The following HS6ST3 variants were observed in gnomAD, a reference collection of about 807,000 sequenced individuals.
HS6ST3 encodes heparan-sulfate 6-O-sulfotransferase 3.
A neutral mutation model predicts 36.7 loss-of-function variants in HS6ST3; 12 were observed. The ratio of observed to expected loss-of-function variants is 0.33; its 90% CI spans 0.21 to 0.53. HS6ST3 has a LOEUF of 0.53. Among genes scored for constraint, HS6ST3 ranks in the 20% least tolerant of loss-of-function variants. The probability of loss-of-function intolerance (pLI) is 0.95; values close to 1 mark genes in which losing one functional copy is unlikely to be tolerated. For missense variants in HS6ST3, 584 were observed against 640.9 expected, an observed-to-expected ratio of 0.91 and a Z score of 0.96; for synonymous variants, 240 against 257.5, an observed-to-expected ratio of 0.93 and a Z score of 0.65.
intron 1 of HS6ST3, among the ~76,000 whole-genome samples, chr13:96,091,968 AC>A (rs2053767277): frequency 6.6e-6 from 1 of 152,002 alleles, no homozygotes. Flanking sequence ...GTAAACCCAA[AC>A]CCAGGAAAAG....
intron 1 of HS6ST3, among the ~76,000 whole-genome samples, chr13:96,335,119 T>C (rs2055093774): frequency 6.6e-6 from 1 of 152,084 alleles, no homozygotes; most frequent in Non-Finnish European, 1.5e-5. Context: ...TGTTTGTTGT[T>C]ACTAACTGGG....
intron 1 of HS6ST3, among the ~76,000 whole-genome samples, chr13:96,463,647 A>C (rs1763603457): frequency 1.3e-5 from 2 of 152,326 alleles, no homozygotes; most frequent in South Asian, 4.1e-4. Context: ...ATCAAAAGAC[A>C]ATGTAAACAG....
chr13:96,507,701 G>T (rs532597591), intron 1 of HS6ST3, among the ~76,000 whole-genome samples: 1 of 151,728 alleles, frequency 6.6e-6, no homozygotes, highest in South Asian at 2.1e-4. Context: ...AAGGCTACGC[G>T]CATCTTAAAA....
intron 1 of HS6ST3, among the ~76,000 whole-genome samples, chr13:96,372,783 A>G (rs1713428952): frequency 1.3e-5 from 2 of 152,144 alleles, no homozygotes; most frequent in Non-Finnish European, 2.9e-5. Context: ...AAGAGTTCAC[A>G]GATTCTTTTG....
chr13:96,412,620 AAG>A (rs776360971), intron 1 of HS6ST3, among the ~76,000 whole-genome samples: 11 of 152,232 alleles, frequency 7.2e-5, no homozygotes, highest in South Asian at 6.2e-4. Context: ...ATAGAGCCAG[AAG>A]AGAGAGAATT....
chr13:96,487,797 A>G (rs1461135295), intron 1 of HS6ST3, among the ~76,000 whole-genome samples: 1 of 152,148 alleles, frequency 6.6e-6, no homozygotes, highest in Non-Finnish European at 1.5e-5. Flanking sequence ...TTTAACATGA[A>G]TTTGGATGTG....
At chr13:96,658,310 T>C (rs2056634091) in intron 1 of HS6ST3, among the ~76,000 whole-genome samples, 1 of 138,352 alleles carries the variant, frequency 7.2e-6, no homozygotes, top group Non-Finnish European at 1.5e-5. Context: ...AGATGGCGTC[T>C]CACTCTGTTA....
intron 1 of HS6ST3, among the ~76,000 whole-genome samples, chr13:96,379,820 C>G (rs914379651): frequency 1.6e-4 from 24 of 152,124 alleles, no homozygotes; most frequent in African/African-American, 5.8e-4. Flanking sequence ...AAATTGCCTA[C>G]AGTGAGGCTG....
intron 1 of HS6ST3, among the ~76,000 whole-genome samples, chr13:96,490,941 C>T (rs966817470): frequency 1.3e-5 from 2 of 152,342 alleles, no homozygotes; most frequent in African/African-American, 4.8e-5. Context: ...TGGCGAACCA[C>T]GCAAGAACCT....
intron 1 of HS6ST3, among the ~76,000 whole-genome samples, chr13:96,415,127 T>C (rs1243400469): frequency 2.0e-5 from 3 of 152,194 alleles, no homozygotes; most frequent in Admixed American, 1.3e-4. Flanking sequence ...GCTATGGTTC[T>C]TTGGGGAATG....
intron 1 of HS6ST3, among the ~76,000 whole-genome samples, chr13:96,757,524 A>G (rs555460973): frequency 2.6e-5 from 4 of 152,290 alleles, no homozygotes; most frequent in African/African-American, 9.6e-5. Context: ...CTAGTAAAAT[A>G]TTGAATAAAA....
At chr13:96,255,516 T>G (rs1408155744) in intron 1 of HS6ST3, among the ~76,000 whole-genome samples, 1 of 152,200 alleles carries the variant, frequency 6.6e-6, no homozygotes, top group Non-Finnish European at 1.5e-5. Flanking sequence ...TTTACAAATT[T>G]TTTTCCCATC....
chr13:96,339,569 A>G (rs1042019142), intron 1 of HS6ST3, among the ~76,000 whole-genome samples: 24 of 152,322 alleles, frequency 1.6e-4, no homozygotes, highest in Non-Finnish European at 3.2e-4. Flanking sequence ...CCAGGAGCCT[A>G]TGTCAGGGAG....
At chr13:96,691,978 C>T (rs1219820316) in intron 1 of HS6ST3, among the ~76,000 whole-genome samples, 1 of 151,940 alleles carries the variant, frequency 6.6e-6, no homozygotes, top group African/African-American at 2.4e-5. Flanking sequence ...GAGCCTAAGC[C>T]TAAATACAGT....
intron 1 of HS6ST3, among the ~76,000 whole-genome samples, chr13:96,555,210 T>C (rs1051180650): frequency 3.3e-5 from 5 of 152,154 alleles, no homozygotes; most frequent in African/African-American, 1.2e-4. Flanking sequence ...CATTGATAAG[T>C]AAGTGAGATA....
chr13:96,767,931 T>A (rs1356006599), intron 1 of HS6ST3, among the ~76,000 whole-genome samples: 1 of 152,214 alleles, frequency 6.6e-6, no homozygotes, highest in Non-Finnish European at 1.5e-5. Context: ...TGGAAGGAGC[T>A]AATATTACAA....
intron 1 of HS6ST3, among the ~76,000 whole-genome samples, chr13:96,605,938 A>C (rs1028792487): frequency 1.3e-5 from 2 of 152,202 alleles, no homozygotes; most frequent in Non-Finnish European, 2.9e-5. Flanking sequence ...ACTTCTTAAA[A>C]GAAGATATAC....
At chr13:96,484,163 G>T (rs1263471314) in intron 1 of HS6ST3, among the ~76,000 whole-genome samples, 1 of 151,726 alleles carries the variant, frequency 6.6e-6, no homozygotes, top group East Asian at 1.9e-4. Context: ...CTTTATTGAG[G>T]AAAAAATGGT....
intron 1 of HS6ST3, among the ~76,000 whole-genome samples, chr13:96,600,119 A>G (rs2056416074): frequency 6.6e-6 from 1 of 152,034 alleles, no homozygotes; most frequent in Non-Finnish European, 1.5e-5. Flanking sequence ...GTTTTTGGGT[A>G]GAATTTTCTG....
Sources: gnomAD v4.1 joint callset for allele counts (sites outside exome capture counted in the v4.1 genomes callset) on GRCh38, gnomAD v4.1.1 for gene constraint, MANE v1.5 for transcripts, NCBI Gene and HGNC (gene_info 2026-07-23, HGNC 2026-07-21) for gene names.